The following ARFGEF2 variants were observed in gnomAD, a reference collection of about 807,000 sequenced individuals.
ARFGEF2 encodes the protein ARF guanine nucleotide exchange factor 2, also known as brefeldin A-inhibited guanine nucleotide-exchange protein 2.
In ARFGEF2, 74 loss-of-function variants were observed where a neutral mutation model predicts 219.9. The observed-to-expected ratio is 0.34, with a 90% confidence interval of 0.28 to 0.41. The LOEUF is 0.41. Ranked by LOEUF, ARFGEF2 falls within the 10% of genes least tolerant of loss-of-function variation. ARFGEF2 has a pLI of 1.00. For synonymous variants in ARFGEF2, 733 were observed against 799.2 expected (o/e 0.92, Z 1.40); for missense variants, 1,743 against 2,218.3 (o/e 0.79, Z 4.30).
intron 26 of ARFGEF2, among the ~76,000 whole-genome samples, chr20:49,008,939 C>T (rs2091479779): frequency 6.6e-6 from 1 of 152,144 alleles, no homozygotes; most frequent in Non-Finnish European, 1.5e-5. Flanking sequence ...AACTCCTGAC[C>T]TCAAGTGATC....
chr20:49,004,344 C>CAAGAA (rs1200819722), intron 25 of ARFGEF2, among the ~76,000 whole-genome samples: 2 of 151,624 alleles, frequency 1.3e-5, no homozygotes, highest in African/African-American at 4.8e-5. Flanking sequence ...TTAAAAGAAA[C>CAAGAA]AAGAAAAGAA....
intron 1 of ARFGEF2, among the ~76,000 whole-genome samples, chr20:48,934,359 A>T (rs757413212): frequency 1.3e-5 from 2 of 152,060 alleles, no homozygotes; most frequent in Non-Finnish European, 2.9e-5. Context: ...TTACACTTTT[A>T]ACTTCTGGGA....
At chr20:49,013,530 T>G in intron 28 of ARFGEF2, 34 bp from the exon 29 acceptor site, 1 of 1,613,840 alleles carries the variant, frequency 6.2e-7, no homozygotes, top group Non-Finnish European at 8.5e-7. Flanking sequence ...TTTGCATGCT[T>G]AGTTTACACC....
intron 3 of ARFGEF2, among the ~76,000 whole-genome samples, chr20:48,946,801 G>GT (rs1381493393): frequency 6.6e-6 from 1 of 151,388 alleles, no homozygotes; most frequent in Non-Finnish European, 1.5e-5. Flanking sequence ...TGCCCAGCCA[G>GT]TTTTTTTGGT....
intron 25 of ARFGEF2, among the ~76,000 whole-genome samples, chr20:49,003,905 T>C (rs2091439762): frequency 6.6e-6 from 1 of 152,210 alleles, no homozygotes; most frequent in African/African-American, 2.4e-5. Context: ...TGATGATATT[T>C]ATTTTATAGT....
chr20:49,001,000 CTGTT>C (rs1175384509), intron 25 of ARFGEF2, among the ~76,000 whole-genome samples: 2 of 147,810 alleles, frequency 1.4e-5, no homozygotes, highest in African/African-American at 5.0e-5. Context: ...TTACAAATGT[CTGTT>C]TATTTAATCA....
chr20:48,926,697 A>G (rs1216638275), intron 1 of ARFGEF2, among the ~76,000 whole-genome samples: 1 of 152,058 alleles, frequency 6.6e-6, no homozygotes, highest in Non-Finnish European at 1.5e-5. Flanking sequence ...CTAATTGATG[A>G]TATCTCTTCA....
At chr20:48,995,958 G>A (rs921715706) in intron 23 of ARFGEF2, 76 bp downstream of exon 23, 17 of 1,302,100 alleles carry the variant, frequency 1.3e-5, no homozygotes, top group Admixed American at 5.1e-5. Context: ...GGACATGAAT[G>A]ATTCCTAATT....
chr20:48,974,438 G>C (rs1289366335), intron 12 of ARFGEF2, among the ~76,000 whole-genome samples: 1 of 152,024 alleles, frequency 6.6e-6, no homozygotes. Flanking sequence ...TTTAAAAATA[G>C]AAAAATTTAA....
intron 33 of ARFGEF2, among the ~76,000 whole-genome samples, chr20:49,018,414 T>A (rs2091544388): frequency 6.6e-6 from 1 of 152,076 alleles, no homozygotes. Context: ...TTTTGTATTT[T>A]TAGCAGAGAT....
chr20:48,930,604 G>C (rs1457400490), intron 1 of ARFGEF2, among the ~76,000 whole-genome samples: 3 of 152,218 alleles, frequency 2.0e-5, no homozygotes, highest in Non-Finnish European at 4.4e-5. Context: ...AATGTGGGAA[G>C]AGGACTACAT....
rs201685748 is a variant in ARFGEF2, at chr20:48,989,409, C to A, written c.2658C>A (p.His886Gln). 1 of 1,614,256 alleles carries A rather than the reference C, an allele frequency of 6.2e-7. No homozygotes were observed. The highest frequency in any genetic ancestry group is 8.5e-7 in the Non-Finnish European group (1 of 1,180,048). ...HAKAPFTSAT[H>Q]LDHVRPMFKL... Reference sequence around the variant, plus strand: ...AAGCCCCGTTTACCAGTGCCACTCACCTGGACCATGTCCGGCCAATGTTCA... The same window carrying A: ...AAGCCCCGTTTACCAGTGCCACTCAACTGGACCATGTCCGGCCAATGTTCA... Residue 886 changes from histidine (H) to glutamine (Q), a missense_variant, in exon 19 of 39, where the codon CAC (histidine) becomes CAA (glutamine). Around this residue, in one of 5 missense-constraint regions of ARFGEF2, gnomAD observed 666 missense variants for 955.4 expected, o/e 0.70. Coordinates refer to ENST00000371917, the MANE Select transcript of ARFGEF2 (RefSeq NM_006420.3).
At position 48,984,759 on chromosome 20, in the gene ARFGEF2, G is replaced by C. The variant is rs1403580482; in HGVS notation, c.1989G>C (p.Gln663His). The C allele has an allele frequency of 6.2e-7, 1 of 1,613,906 alleles. No homozygotes were observed. The highest frequency in any genetic ancestry group is 1.7e-5 in the Admixed American group (1 of 60,014). Residue 663 changes from glutamine to histidine, a missense_variant, in exon 15 of 39, where the codon CAG becomes CAC. Physicochemically the swap from Gln to His is conservative, Grantham distance 24. Around this residue, in one of 5 missense-constraint regions of ARFGEF2, gnomAD observed 666 missense variants for 955.4 expected, o/e 0.70. Transcript: ENST00000371917. ...ACAAGAAACCCAAGAGGGGGATCCA[G>C]TTTCTCCAGGAGCAGGGCATGCTGG... Reference protein sequence around the residue: ...LFNKKPKRGIQFLQEQGMLGT... With the variant: ...LFNKKPKRGIHFLQEQGMLGT...
chr20:48,951,083 G>A (rs2091068103), intron 3 of ARFGEF2, among the ~76,000 whole-genome samples: 1 of 151,866 alleles, frequency 6.6e-6, no homozygotes, highest in African/African-American at 2.4e-5. Flanking sequence ...GTTGCGTACT[G>A]GGGAGTGCTC....
intron 1 of ARFGEF2, among the ~76,000 whole-genome samples, chr20:48,931,364 C>T (rs1400857631): frequency 6.6e-6 from 1 of 152,096 alleles, no homozygotes; most frequent in South Asian, 2.1e-4. Flanking sequence ...GTGCCTGCCA[C>T]TCTGTGCTGA....
intron 6 of ARFGEF2, among the ~76,000 whole-genome samples, chr20:48,954,980 A>T (rs2091097543): frequency 6.6e-6 from 1 of 152,228 alleles, no homozygotes; most frequent in African/African-American, 2.4e-5. Context: ...TGTAATAAGC[A>T]TAGCTGTGCA....
rs1008340702 is a variant in ARFGEF2, at chr20:48,971,022, A to G, written c.1191-98A>G. 11 of 989,524 alleles carry G rather than the reference A, an allele frequency of 1.1e-5. No individual in the cohort carries two copies. In the East Asian group the frequency reaches 2.7e-4, roughly 24 times the overall value. The allele number at this position is 989,524 out of a possible 1,614,324, so 61.3% of individuals were successfully genotyped here. On this transcript the variant is annotated intron_variant, in intron 9 of 38. Transcript: ENST00000371917. Reference sequence around the variant, plus strand: ...ATTTAGGTGCTATTAATTCTTTAAAATTCTACTCATTGGTAAAGGAGCAAG... The same window carrying G: ...ATTTAGGTGCTATTAATTCTTTAAAGTTCTACTCATTGGTAAAGGAGCAAG...
chr20:48,995,709 G>T, intron 22 of ARFGEF2, 74 bp from the exon 23 acceptor site: 1 of 1,295,202 alleles, frequency 7.7e-7, no homozygotes, highest in Non-Finnish European at 1.1e-6. Context: ...CCTGCGTGTT[G>T]ACATAACAGG....
intron 26 of ARFGEF2, among the ~76,000 whole-genome samples, chr20:49,009,232 T>G (rs1345643293): frequency 6.6e-6 from 1 of 152,244 alleles, no homozygotes; most frequent in Non-Finnish European, 1.5e-5. Context: ...ATGTTTACTT[T>G]GTGAACTTTC....
Sources: allele counts gnomAD v4.1 joint callset (sites outside exome capture counted in the v4.1 genomes callset), GRCh38; gene constraint gnomAD v4.1.1; regional missense constraint gnomAD v4.1.1; transcripts MANE v1.5; gene names NCBI Gene and HGNC (gene_info 2026-07-23, HGNC 2026-07-21).